ZNF525: variants seen among roughly 807,000 people sequenced by gnomAD.
The protein encoded by ZNF525 is zinc finger protein 525.
In ZNF525, 33 loss-of-function variants were observed where a neutral mutation model predicts 37.6. That is an observed-to-expected ratio of 0.88 (90% CI 0.67 to 1.17). The LOEUF (loss-of-function observed/expected upper bound fraction) is 1.17, where lower values mean the gene tolerates loss of function less well. Among genes scored for constraint, ZNF525 ranks in the 50% most tolerant of loss-of-function variants. The pLI, the probability that ZNF525 is intolerant of heterozygous loss-of-function variation, is 0.00. For synonymous variants in ZNF525, 170 were observed against 182.3 expected (o/e 0.93, Z 0.54); for missense variants, 449 against 543.1 (o/e 0.83, Z 1.72).
Position 53,383,015 on chromosome 19 carries a change from CGCAAA to C in ZNF525, c.*1004_*1008del. On this transcript the variant is annotated 3_prime_UTR_variant, in exon 4 of 4. Transcript: ENST00000474037. The stretch of plus-strand genomic sequence containing the variant: ...TAATGAATGTGGCAAGGTTTTTAAT[CGCAAA>C]GCAAAGCTTGCATGTCATCATAGAC... The C allele has an allele frequency of 6.7e-7, 1 of 1,493,220 alleles. No homozygotes were observed. 92.5% of individuals were successfully genotyped at this position (1,493,220 alleles called of 1,614,324 possible).
intron 2 of ZNF525, among the ~76,000 whole-genome samples, chr19:53,375,351 C>T (rs990225913): frequency 6.6e-6 from 1 of 152,172 alleles, no homozygotes; most frequent in African/African-American, 2.4e-5. Flanking sequence ...CTTTGAGAGA[C>T]TGTATCAGGC....
chr19:53,386,294 A>G lies in ZNF525; in HGVS notation c.*4275A>G. 1.4e-6 allele frequency: 1 copy of G among 715,260 alleles called. No homozygotes were observed. Among genetic ancestry groups the G allele is most frequent in the Non-Finnish European group, 2.6e-6 (1 of 386,128 alleles). The allele number at this position is 715,260 out of a possible 1,614,324, so 44.3% of individuals were successfully genotyped here. On this transcript the variant is annotated 3_prime_UTR_variant, in exon 4 of 4. Transcript: ENST00000474037. ...CTGGCCAAGAAACAAAAGCAAAACC[A>G]TCCCACTCCCCTGTGGATTCAGATC...
In ZNF525 at chr19:53,386,156, C is replaced by CAAA; in HGVS notation, c.*4148_*4150dup. On this transcript the variant is annotated 3_prime_UTR_variant, in exon 4 of 4. Coordinates refer to ENST00000474037, the MANE Select transcript of ZNF525 (RefSeq NM_001348156.2). ...GAGCAACAAGAGCAAAACTCCATCT[C>CAAA]AAAAAAAAAAAAATTGTCAAGTTCC... The CAAA allele has an allele frequency of 4.9e-5, 19 of 388,882 alleles. No individual in the cohort carries two copies. The highest frequency in any genetic ancestry group is 1.3e-4 in the South Asian group (6 of 46,054). The allele number at this position is 388,882 out of a possible 1,614,324, so 24.1% of individuals were successfully genotyped here.
In ZNF525 at chr19:53,383,695, T is replaced by C. The variant is rs552097794; in HGVS notation, c.*1676T>C. On this transcript the variant is annotated 3_prime_UTR_variant, in exon 4 of 4. Transcript: ENST00000474037. ...ACGTCTTCAGTAATGCTACAACCATTGTAAATCACTGGAGAAGCCATAATG... is the reference window on the plus strand; with the variant it reads ...ACGTCTTCAGTAATGCTACAACCATCGTAAATCACTGGAGAAGCCATAATG... The C allele has an allele frequency of 1.2e-4, 84 of 674,106 alleles. No homozygotes were observed. The South Asian group carries it at 1.3e-3, about 10-fold the overall frequency. 41.8% of individuals were successfully genotyped at this position (674,106 alleles called of 1,614,324 possible).
At position 53,383,645 on chromosome 19, in the gene ZNF525, C is replaced by A; in HGVS notation, c.*1626C>A. On this transcript the variant is annotated 3_prime_UTR_variant, in exon 4 of 4. Transcript: ENST00000474037. ...TCAGGCAATCCGTAGTGTAGGGAAA[C>A]TTGACTAACGTAATGATTCTCACAA... The A allele has an allele frequency of 1.9e-6, 2 of 1,039,666 alleles. No individual in the cohort carries two copies. Among genetic ancestry groups the A allele is most frequent in the Non-Finnish European group, 2.8e-6 (2 of 720,322 alleles). The allele number at this position is 1,039,666 out of a possible 1,614,324, so 64.4% of individuals were successfully genotyped here.
intron 3 of ZNF525, among the ~76,000 whole-genome samples, chr19:53,378,797 G>C (rs1373176122): frequency 1.3e-5 from 2 of 152,168 alleles, no homozygotes; most frequent in Non-Finnish European, 2.9e-5. Flanking sequence ...TGACCAAATT[G>C]TCTCAAAGGC....
chr19:53,376,583 T>G (rs1330790694), intron 3 of ZNF525: 1 of 498,638 alleles, frequency 2.0e-6, no homozygotes, highest in Non-Finnish European at 3.5e-6. Context: ...TACTTTTGTT[T>G]GTTTGTTTGT....
At position 53,386,190 on chromosome 19, in the gene ZNF525, C is replaced by T; in HGVS notation, c.*4171C>T. On this transcript the variant is annotated 3_prime_UTR_variant, in exon 4 of 4. Transcript: ENST00000474037. ...AAAAATTGTCAAGTTCCTTCTCTTC[C>T]ATTCTTTGCCATCGTGGTGTGTGCT... The T allele has an allele frequency of 1.7e-6, 1 of 576,152 alleles. No homozygotes were observed. 35.7% of individuals were successfully genotyped at this position (576,152 alleles called of 1,614,324 possible).
rs1444274971 is a variant in ZNF525, at chr19:53,381,353, T to C, written c.774T>C (p.Leu258=). The change falls in exon 4 of 4, where the codon CTT becomes CTC. Residue 258 remains leucine (L), a synonymous_variant. Coordinates refer to ENST00000474037, the MANE Select transcript of ZNF525 (RefSeq NM_001348156.2). Reference sequence around the variant, plus strand: ...AGGTCTTTATTCGGAAGCGATACCTTGCACGCCATCGTAGATGTCACACTG... The same window carrying C: ...AGGTCTTTATTCGGAAGCGATACCTCGCACGCCATCGTAGATGTCACACTG... ...CDKVFIRKRY[L]ARHRRCHTGE... 1 of 1,594,072 alleles carries C rather than the reference T, an allele frequency of 6.3e-7. No homozygotes were observed. Among genetic ancestry groups the C allele is most frequent in the South Asian group, 1.1e-5 (1 of 90,674 alleles).
intron 1 of ZNF525, among the ~76,000 whole-genome samples, chr19:53,370,382 C>G (rs994679398): frequency 6.8e-6 from 1 of 147,446 alleles, no homozygotes; most frequent in African/African-American, 2.5e-5. Context: ...CCACTGCTCT[C>G]CAGCCTGGGA....
At chr19:53,375,965 A>G (rs2085518908) in intron 3 of ZNF525, 69 bp downstream of exon 3, 1 of 1,609,838 alleles carries the variant, frequency 6.2e-7, no homozygotes, top group Non-Finnish European at 8.5e-7. Context: ...CTTTTTTTAG[A>G]TAGAGTATCT....
Position 53,385,207 on chromosome 19 carries a change from A to C in ZNF525, c.*3188A>C. The C allele has an allele frequency of 4.1e-6, 2 of 488,060 alleles. No homozygotes were observed. The highest frequency in any genetic ancestry group is 6.0e-5 in the South Asian group (2 of 33,288). The allele number at this position is 488,060 out of a possible 1,614,324, so 30.2% of individuals were successfully genotyped here. On this transcript the variant is annotated 3_prime_UTR_variant, in exon 4 of 4. Transcript: ENST00000474037. ...TCTTCAAGAAGTTCTGGAAAAATAC[A>C]TATTATGAGAAAATTGTGCATGAAT...
chr19:53,381,707 T>A lies in ZNF525; in HGVS notation c.1128T>A (p.Thr376=). Residue 376 remains threonine (T), a synonymous_variant, in exon 4 of 4, where the codon ACT becomes ACA. Coordinates refer to ENST00000474037, the MANE Select transcript of ZNF525 (RefSeq NM_001348156.2). ...FKSNLESHRI[T]HTGEKPYKCN... ...CAAACCTTGAAAGTCATAGGATAAC[T>A]CATACTGGAGAGAAACCATACAAGT... The A allele has an allele frequency of 9.2e-7, 1 of 1,086,886 alleles. No individual in the cohort carries two copies. The highest frequency in any genetic ancestry group is 1.4e-6 in the Non-Finnish European group (1 of 698,082). 67.3% of individuals were successfully genotyped at this position (1,086,886 alleles called of 1,614,324 possible).
chr19:53,376,208 AGCTGGGATTACAG>A (rs1426681126), intron 3 of ZNF525: 3 of 727,858 alleles, frequency 4.1e-6, no homozygotes, highest in Non-Finnish European at 7.4e-6. Context: ...CCTCCCAAGA[AGCTGGGATTACAG>A]GCGCCAACCC....
In ZNF525 at chr19:53,381,023, G is replaced by C; in HGVS notation, c.444G>C (p.Leu148=). 1 of 1,577,640 alleles carries C rather than the reference G, an allele frequency of 6.3e-7. No homozygotes were observed. The highest frequency in any genetic ancestry group is 1.1e-5 in the South Asian group (1 of 90,320). Reference sequence around the variant, plus strand: ...TTGGATCAAGCTTTCATTCACATCTGTCTGAACTCCACATATTTCAGCCCA... The same window carrying C: ...TTGGATCAAGCTTTCATTCACATCTCTCTGAACTCCACATATTTCAGCCCA... ...YQLGSSFHSH[L]SELHIFQPKG... is the part of the protein sequence containing the mutation. The change falls in exon 4 of 4, where the codon CTG becomes CTC. Residue 148 remains leucine, a synonymous_variant. Coordinates refer to ENST00000474037, the MANE Select transcript of ZNF525 (RefSeq NM_001348156.2).
At chr19:53,378,181 G>A (rs1187317587) in intron 3 of ZNF525, among the ~76,000 whole-genome samples, 1 of 152,178 alleles carries the variant, frequency 6.6e-6, no homozygotes, top group Non-Finnish European at 1.5e-5. Context: ...AATTGGCTAG[G>A]TGTAGTGGCT....
intron 1 of ZNF525, among the ~76,000 whole-genome samples, chr19:53,369,810 C>T (rs867700090): frequency 1.5e-5 from 2 of 130,652 alleles, no homozygotes; most frequent in Non-Finnish European, 3.2e-5. Flanking sequence ...CTGCAAGCTC[C>T]ACCTCCCGGG....
chr19:53,368,687 T>C (rs1427319599), intron 1 of ZNF525, among the ~76,000 whole-genome samples: 1 of 152,132 alleles, frequency 6.6e-6, no homozygotes, highest in East Asian at 1.9e-4. Context: ...TGTAGAATAA[T>C]TTAAAGATTT....
Position 53,384,660 on chromosome 19 carries a change from A to AT in ZNF525, c.*2642dup, listed in dbSNP as rs1367616763. 1 of 267,994 alleles carries AT rather than the reference A, an allele frequency of 3.7e-6. No homozygotes were observed. The highest frequency in any genetic ancestry group is 7.0e-6 in the Non-Finnish European group (1 of 142,494). 16.6% of individuals were successfully genotyped at this position (267,994 alleles called of 1,614,324 possible). The stretch of plus-strand genomic sequence containing the variant: ...ATACTGTATTGTGCAAATCCACTGA[A>AT]TATGTTTGTTAGTTCCAGTACTATT... On this transcript the variant is annotated 3_prime_UTR_variant, in exon 4 of 4. Coordinates refer to ENST00000474037, the MANE Select transcript of ZNF525 (RefSeq NM_001348156.2).
Sources: gnomAD v4.1 joint callset for allele counts (sites outside exome capture counted in the v4.1 genomes callset) on GRCh38, gnomAD v4.1.1 for gene constraint, MANE v1.5 for transcripts, NCBI Gene and HGNC (gene_info 2026-07-23, HGNC 2026-07-21) for gene names.